Variants in DPP10 observed in about 807,000 individuals in gnomAD.
The protein encoded by DPP10 is dipeptidyl peptidase like 10, also known as inactive dipeptidyl peptidase 10.
Under a neutral mutation model 120.9 loss-of-function variants are expected in DPP10, and 33 were observed. The ratio of observed to expected loss-of-function variants is 0.27; its 90% CI spans 0.21 to 0.37. The LOEUF (loss-of-function observed/expected upper bound fraction) is 0.37. Among genes scored for constraint, DPP10 ranks in the 10% least tolerant of loss-of-function variants. DPP10 has a pLI of 1.00. For missense variants in DPP10, 816 were observed against 942.8 expected, an observed-to-expected ratio of 0.87 and a Z score of 1.76; for synonymous variants, 337 against 326.1, an observed-to-expected ratio of 1.03 and a Z score of -0.36.
intron 1 of DPP10, among the ~76,000 whole-genome samples, chr2:115,282,107 A>G (rs181477986): frequency 2.6e-5 from 4 of 152,232 alleles, no homozygotes; most frequent in Admixed American, 2.6e-4. Context: ...CGTAGAAACA[A>G]GCAATCAACT....
intron 1 of DPP10, among the ~76,000 whole-genome samples, chr2:115,036,377 C>T (rs1704228164): frequency 6.6e-6 from 1 of 152,082 alleles, no homozygotes; most frequent in African/African-American, 2.4e-5. Context: ...ATAATTAAGC[C>T]CTAAAATGCT....
At chr2:114,885,774 G>T (rs1489616319) in intron 1 of DPP10, among the ~76,000 whole-genome samples, 3 of 152,156 alleles carry the variant, frequency 2.0e-5, no homozygotes, top group African/African-American at 7.2e-5. Flanking sequence ...GAAGACTGTA[G>T]AATATTACGA....
chr2:115,491,182 A>T (rs989385361), intron 3 of DPP10, among the ~76,000 whole-genome samples: 1 of 152,136 alleles, frequency 6.6e-6, no homozygotes, highest in African/African-American at 2.4e-5. Context: ...AAACGAAAGA[A>T]CTATTGCAAT....
intron 1 of DPP10, among the ~76,000 whole-genome samples, chr2:114,630,022 C>T (rs1014747654): frequency 2.0e-5 from 3 of 151,972 alleles, no homozygotes; most frequent in Admixed American, 6.6e-5. Flanking sequence ...TATGTATGTA[C>T]GTATGTGTAC....
intron 1 of DPP10, among the ~76,000 whole-genome samples, chr2:114,585,820 C>T (rs900999603): frequency 5.9e-5 from 9 of 152,104 alleles, no homozygotes; most frequent in African/African-American, 1.7e-4. Context: ...AGTATGACAC[C>T]AACATGTGGG....
At chr2:115,791,650 T>G (rs1304469002) in intron 19 of DPP10, among the ~76,000 whole-genome samples, 1 of 152,202 alleles carries the variant, frequency 6.6e-6, no homozygotes, top group Non-Finnish European at 1.5e-5. Context: ...AGCCCTGCGC[T>G]CTTTATCAGT....
At chr2:115,746,834 T>G (rs1157549799) in intron 10 of DPP10, among the ~76,000 whole-genome samples, 1 of 152,204 alleles carries the variant, frequency 6.6e-6, no homozygotes, top group Non-Finnish European at 1.5e-5. Context: ...CTAGAGTCCT[T>G]TGGAAATTTA....
rs540310782 is a variant in DPP10 at position 114,818,632 on chromosome 2, TG to T, written c.60+375795del. ...ATTTATTATAGATCTTATTTAGGTC[TG>T]TTTTTTTAAAGAGAAGTTTCAAGGA... On this transcript the variant is annotated intron_variant, in intron 1 of 25. Transcript: ENST00000410059. 2.4e-3 allele frequency among the ~76,000 whole-genome samples: 362 copies of T among 152,298 alleles called. 1 individual carries two copies. Among genetic ancestry groups the T allele is most frequent in the African/African-American group, 8.0e-3 (331 of 41,560 alleles).
intron 1 of DPP10, among the ~76,000 whole-genome samples, chr2:114,673,581 A>G (rs535953479): frequency 1.3e-5 from 2 of 151,950 alleles, no homozygotes; most frequent in African/African-American, 4.8e-5. Context: ...TCAGCCTCCC[A>G]AGAAGATGGG....
At chr2:114,770,532 C>A (rs1428930613) in intron 1 of DPP10, among the ~76,000 whole-genome samples, 1 of 151,950 alleles carries the variant, frequency 6.6e-6, no homozygotes, top group African/African-American at 2.4e-5. Context: ...AGCACCGTGC[C>A]GTAAAACCAA....
intron 1 of DPP10, among the ~76,000 whole-genome samples, chr2:114,689,387 C>T (rs1232764133): frequency 6.6e-6 from 1 of 151,964 alleles, no homozygotes; most frequent in Non-Finnish European, 1.5e-5. Context: ...CTAGCTCCAT[C>T]CATGTCCCTG....
chr2:115,502,089 A>C (rs901891782), intron 4 of DPP10, among the ~76,000 whole-genome samples: 1 of 152,042 alleles, frequency 6.6e-6, no homozygotes, highest in African/African-American at 2.4e-5. Context: ...TATGACTACA[A>C]ATTTATTTTT....
chr2:115,303,541 C>CT (rs1450404329), intron 1 of DPP10, among the ~76,000 whole-genome samples: 2 of 151,844 alleles, frequency 1.3e-5, no homozygotes, highest in Admixed American at 1.3e-4. Context: ...TATCCAGCAC[C>CT]TTTTTTATAG....
chr2:114,486,756 GT>G (rs572726578), intron 1 of DPP10, among the ~76,000 whole-genome samples: 195 of 152,038 alleles, frequency 1.3e-3, no homozygotes, highest in African/African-American at 4.3e-3. Flanking sequence ...GGATTTATCA[GT>G]TTTTTATATT....
At chr2:115,351,504 A>G (rs973480302) in intron 3 of DPP10, among the ~76,000 whole-genome samples, 7 of 152,064 alleles carry the variant, frequency 4.6e-5, no homozygotes, top group African/African-American at 1.7e-4. Context: ...ATCCACACAT[A>G]TACCCCCAAA....
chr2:114,728,966 G>C (rs536331081), intron 1 of DPP10, among the ~76,000 whole-genome samples: 1 of 152,268 alleles, frequency 6.6e-6, no homozygotes, highest in South Asian at 2.1e-4. Context: ...AAGAAACTTT[G>C]TAATTTTTGG....
At chr2:114,835,307 A>G (rs1031319252) in intron 1 of DPP10, 2 of 140,654 alleles carry the variant, frequency 1.4e-5, no homozygotes, top group South Asian at 4.6e-4. Context: ...TATATATAAG[A>G]CATATCTACA....
chr2:114,497,362 CAT>C (rs1682741051), intron 1 of DPP10, among the ~76,000 whole-genome samples: 1 of 125,684 alleles, frequency 8.0e-6, no homozygotes, highest in African/African-American at 3.2e-5. Context: ...TGTACATATA[CAT>C]ACACATGTAC....
At chr2:114,930,447 T>A (rs1695982448) in intron 1 of DPP10, among the ~76,000 whole-genome samples, 1 of 152,216 alleles carries the variant, frequency 6.6e-6, no homozygotes, top group Non-Finnish European at 1.5e-5. Context: ...CTTAAATTTG[T>A]CCTTTCATTA....
Sources: allele counts gnomAD v4.1 joint callset (sites outside exome capture counted in the v4.1 genomes callset), GRCh38; gene constraint gnomAD v4.1.1; transcripts MANE v1.5; gene names NCBI Gene and HGNC (gene_info 2026-07-23, HGNC 2026-07-21).